The following GHRHR variants were observed in gnomAD, a reference collection of about 807,000 sequenced individuals.
The protein encoded by GHRHR is growth hormone releasing hormone receptor.
Under a neutral mutation model 58.3 loss-of-function variants are expected in GHRHR, and 40 were observed. The observed-to-expected ratio is 0.69, with a 90% CI of 0.53 to 0.89. The LOEUF is 0.89. Among genes scored for constraint, GHRHR ranks in the 40% least tolerant of loss-of-function variants. The pLI, the probability that GHRHR is intolerant of heterozygous loss-of-function variation, is 0.00. For synonymous variants in GHRHR, 249 were observed against 216.6 expected (o/e 1.15, Z -1.31); for missense variants, 551 against 541.3 (o/e 1.02, Z -0.18).
Position 30,969,050 on chromosome 7 carries a change from G to C in GHRHR, c.161-13G>C. 1 of 1,572,572 alleles carries C rather than the reference G, an allele frequency of 6.4e-7. No homozygotes were observed. Among genetic ancestry groups the C allele is most frequent in the Non-Finnish European group, 8.6e-7 (1 of 1,156,630 alleles). ...CTGGGCTGAGTCTCTGCTGCTCCTGGCTCTCTATCCAGGCTGCCCTGCGAC... is the reference window on the plus strand; with the variant it reads ...CTGGGCTGAGTCTCTGCTGCTCCTGCCTCTCTATCCAGGCTGCCCTGCGAC... On this transcript the variant is annotated splice_polypyrimidine_tract_variant and intron_variant, in intron 2 of 12. Transcript: ENST00000326139.
At chr7:30,969,993 G>A in intron 4 of GHRHR, 29 bp downstream of exon 4, 1 of 889,268 alleles carries the variant, frequency 1.1e-6, no homozygotes, top group Non-Finnish European at 1.9e-6. Flanking sequence ...CTTGGAGGAA[G>A]GACTGCCATG....
At chr7:30,966,844 A>G (rs1370809067) in intron 1 of GHRHR, among the ~76,000 whole-genome samples, 4 of 152,070 alleles carry the variant, frequency 2.6e-5, no homozygotes, top group Non-Finnish European at 5.9e-5. Flanking sequence ...GTTTTGCCAC[A>G]TTGGTCAGGC....
At chr7:30,976,796 C>A (rs568299611) in intron 11 of GHRHR, among the ~76,000 whole-genome samples, 2 of 152,170 alleles carry the variant, frequency 1.3e-5, no homozygotes, top group African/African-American at 4.8e-5. Flanking sequence ...ATCCATCCAT[C>A]CATCCATACA....
In GHRHR at chr7:30,968,703, G is replaced by A. The variant is rs548257127; in HGVS notation, c.58-131G>A. 1.8e-4 allele frequency: 88 copies of A among 485,484 alleles called. 2 individuals carry two copies. In the Middle Eastern group the frequency reaches 7.6e-3, roughly 42 times the overall value. The allele number at this position is 485,484 out of a possible 1,614,324, so 30.1% of individuals were successfully genotyped here. ...TACCAAACACACCTGAAACTACTGTGAGCAGGTCTTTGCCTAGGATTAGGG... is the reference window on the plus strand; with the variant it reads ...TACCAAACACACCTGAAACTACTGTAAGCAGGTCTTTGCCTAGGATTAGGG... On this transcript the variant is annotated intron_variant, in intron 1 of 12. Transcript: ENST00000326139.
chr7:30,975,155 C>G, intron 9 of GHRHR, 115 bp downstream of exon 9: 1 of 785,600 alleles, frequency 1.3e-6, no homozygotes, highest in Non-Finnish European at 2.3e-6. Flanking sequence ...AAACTGGGCT[C>G]CAGCCTTGCT....
rs1792490382 is a variant in GHRHR at position 30,972,016 on chromosome 7, TC to T, written c.520del (p.Leu174SerfsTer8). 6.2e-7 allele frequency: 1 copy of T among 1,613,882 alleles called. No homozygotes were observed. The highest frequency in any genetic ancestry group is 1.3e-5 in the African/African-American group (1 of 74,890). ...YVHTQLFTTF[I>X]LKAGAVFLKD... ...CACACCCAGCTGTTCACCACTTTTA[TC>T]CTCAAGGCGGGAGCTGTGTTCCTGA... On this transcript the variant is annotated frameshift_variant, in exon 6 of 13. Transcript: ENST00000326139. LOFTEE classifies it high-confidence loss of function.
In GHRHR at chr7:30,969,131, C is replaced by A. The variant is rs1157546341; in HGVS notation, c.229C>A (p.Pro77Thr). ...AGGCTCTGGCGAGTGGGTCACCCTC[C>A]CCTGCCCGGATTTCTTCTCTCACTT... ...TAGSGEWVTL[P>T]CPDFFSHFSS... is the part of the protein sequence containing the mutation. Residue 77 changes from proline (P) to threonine (T), a missense_variant, in exon 3 of 13, where the codon CCC (proline) becomes ACC (threonine). Transcript: ENST00000326139. The A allele has an allele frequency of 1.9e-6, 3 of 1,575,232 alleles. No individual in the cohort carries two copies. Among genetic ancestry groups the A allele is most frequent in the Non-Finnish European group, 1.7e-6 (2 of 1,160,302 alleles).
intron 8 of GHRHR, among the ~76,000 whole-genome samples, 197 bp from the exon 9 acceptor site, chr7:30,974,774 A>C (rs552873466): frequency 6.6e-6 from 1 of 152,134 alleles, no homozygotes; most frequent in Non-Finnish European, 1.5e-5. Context: ...ACGTTTGTCC[A>C]TCTAGGTGGA....
chr7:30,974,008 C>T lies in GHRHR; in HGVS notation c.621C>T (p.Ala207=), dbSNP rs748314569. 2.0e-5 allele frequency: 33 copies of T among 1,613,652 alleles called. No homozygotes were observed. The highest frequency in any genetic ancestry group is 4.5e-5 in the East Asian group (2 of 44,872). ...AGGTTCTATGCAAGGTCTCTGTGGCCGCCTCCCATTTCGCCACCATGACCA... is the reference window on the plus strand; with the variant it reads ...AGGTTCTATGCAAGGTCTCTGTGGCTGCCTCCCATTTCGCCACCATGACCA... ...FSTVLCKVSV[A]ASHFATMTNF... Residue 207 remains alanine, a synonymous_variant, in exon 7 of 13, where the codon GCC becomes GCT. Transcript: ENST00000326139.
At chr7:30,964,787 G>A (rs73307713) in intron 1 of GHRHR, among the ~76,000 whole-genome samples, 5,252 of 152,270 alleles carry the variant, frequency 0.034, 286 homozygotes, top group African/African-American at 0.12. Context: ...GGAGCACGGG[G>A]CATCAGGAGA....
chr7:30,979,456 C>T lies in GHRHR; in HGVS notation c.*212C>T. The T allele has an allele frequency of 3.6e-6, 2 of 548,252 alleles. No individual in the cohort carries two copies. Among genetic ancestry groups the T allele is most frequent in the South Asian group, 3.7e-5 (2 of 54,558 alleles). The allele number at this position is 548,252 out of a possible 1,614,324, so 34.0% of individuals were successfully genotyped here. Reference sequence around the variant, plus strand: ...CTTCTGTGGTCCCTCTGTGTCTGCTCTCATCCATTCCTCTTACTGGGGCCT... The same window carrying T: ...CTTCTGTGGTCCCTCTGTGTCTGCTTTCATCCATTCCTCTTACTGGGGCCT... On this transcript the variant is annotated 3_prime_UTR_variant, in exon 13 of 13. Transcript: ENST00000326139.
Position 30,979,266 on chromosome 7 carries a change from A to G in GHRHR, c.*22A>G. On this transcript the variant is annotated 3_prime_UTR_variant, in exon 13 of 13. Transcript: ENST00000326139. ...CTAGGCTGCCTCATCACGCCACTGG[A>G]GTCCACACTTGAATTTGGGCAGCTA... 1 of 1,612,156 alleles carries G rather than the reference A, an allele frequency of 6.2e-7. No individual in the cohort carries two copies. The highest frequency in any genetic ancestry group is 8.5e-7 in the Non-Finnish European group (1 of 1,179,154).
chr7:30,974,281 G>A, intron 7 of GHRHR, 143 bp downstream of exon 7: 1 of 1,135,780 alleles, frequency 8.8e-7, no homozygotes, highest in Admixed American at 1.8e-5. Flanking sequence ...AGTGTTGGAG[G>A]GTGGGACCAG....
intron 3 of GHRHR, 130 bp from the exon 4 acceptor site, chr7:30,969,737 A>C: frequency 4.9e-5 from 43 of 880,274 alleles, no homozygotes; most frequent in Non-Finnish European, 7.2e-5. Context: ...CTCTGGAGCC[A>C]CCCTCTCTGT....
intron 5 of GHRHR, 69 bp from the exon 6 acceptor site, chr7:30,971,894 C>A: frequency 7.0e-7 from 1 of 1,438,564 alleles, no homozygotes; most frequent in Non-Finnish European, 9.8e-7. Flanking sequence ...CTGTTCAGCC[C>A]AGTTGCAGCA....
intron 1 of GHRHR, among the ~76,000 whole-genome samples, chr7:30,965,459 A>T (rs956459834): frequency 6.6e-6 from 1 of 152,154 alleles, no homozygotes; most frequent in African/African-American, 2.4e-5. Context: ...GTGTTTCGCC[A>T]GTCCTAATTC....
At chr7:30,970,481 C>A (rs180760013) in intron 4 of GHRHR, among the ~76,000 whole-genome samples, 1 of 152,230 alleles carries the variant, frequency 6.6e-6, no homozygotes, top group Non-Finnish European at 1.5e-5. Context: ...ATTTCTCTGT[C>A]CCCTTGATCT....
intron 12 of GHRHR, among the ~76,000 whole-genome samples, chr7:30,978,785 A>G (rs898103189): frequency 3.9e-5 from 6 of 152,220 alleles, no homozygotes; most frequent in African/African-American, 1.2e-4. Context: ...TGAATCCCAG[A>G]GCAAGGAGTG....
chr7:30,972,065 C>T lies in GHRHR; in HGVS notation c.567C>T (p.Ser189=), dbSNP rs764513071. 35 of 1,613,958 alleles carry T rather than the reference C, an allele frequency of 2.2e-5. No individual in the cohort carries two copies. The highest frequency in any genetic ancestry group is 2.3e-5 in the Non-Finnish European group (27 of 1,180,018). The change falls in exon 6 of 13, where the codon AGC becomes AGT. Residue 189 remains serine (S), a synonymous_variant. Transcript: ENST00000326139. ...VFLKDAALFH[S]DDTDHCSFST... is the part of the protein sequence containing the mutation. ...TGAAGGATGCTGCCCTTTTCCACAG[C>T]GACGACACTGACCACTGCAGCTTCT...
Sources: allele counts gnomAD v4.1 joint callset (sites outside exome capture counted in the v4.1 genomes callset), GRCh38; gene constraint gnomAD v4.1.1; transcripts MANE v1.5; gene names NCBI Gene and HGNC (gene_info 2026-07-23, HGNC 2026-07-21).